Variants in ATF3 observed in about 807,000 individuals in gnomAD.
ATF3 encodes cyclic AMP-dependent transcription factor ATF-3.
ATF3 carries 10 observed loss-of-function variants against 18.4 expected under a neutral mutation model. That is an observed-to-expected ratio of 0.54 (90% CI 0.34 to 0.92). The LOEUF (loss-of-function observed/expected upper bound fraction) is 0.92, where lower values mean the gene tolerates loss of function less well. Ranked by LOEUF, ATF3 falls within the 40% of genes least tolerant of loss-of-function variation. ATF3 has a pLI of 0.02. For synonymous variants in ATF3, 78 were observed against 87.9 expected, an observed-to-expected ratio of 0.89 and a Z score of 0.63; for missense variants, 183 against 222.3, an observed-to-expected ratio of 0.82 and a Z score of 1.12.
chr1:212,595,474 G>A (rs760134780), intron 1 of ATF3, among the ~76,000 whole-genome samples: 1 of 152,200 alleles, frequency 6.6e-6, no homozygotes, highest in Non-Finnish European at 1.5e-5. Flanking sequence ...TGGATCCTGA[G>A]CCCCTTCCTG....
chr1:212,594,957 T>A (rs968455974), intron 1 of ATF3, among the ~76,000 whole-genome samples: 1 of 152,216 alleles, frequency 6.6e-6, no homozygotes, highest in African/African-American at 2.4e-5. Context: ...CCATTCCGAT[T>A]CTAAAGACTG....
intron 1 of ATF3, among the ~76,000 whole-genome samples, chr1:212,598,851 G>A: frequency 6.6e-6 from 1 of 152,114 alleles, no homozygotes; most frequent in East Asian, 1.9e-4. Context: ...TTTTCTCTAT[G>A]CATTCATCTG....
At chr1:212,572,538 A>G (rs368177030) in intron 1 of ATF3, among the ~76,000 whole-genome samples, 33 of 152,330 alleles carry the variant, frequency 2.2e-4, no homozygotes, top group African/African-American at 7.2e-4. Context: ...AACAAAACAA[A>G]AAACATTTTA....
chr1:212,615,374 A>T, intron 2 of ATF3, 113 bp downstream of exon 2: 1 of 1,352,318 alleles, frequency 7.4e-7, no homozygotes, highest in Non-Finnish European at 1.0e-6. Flanking sequence ...AAACAAAACC[A>T]CTGCCCTCAG....
At chr1:212,582,380 C>T (rs994357123) in intron 1 of ATF3, among the ~76,000 whole-genome samples, 5 of 152,146 alleles carry the variant, frequency 3.3e-5, no homozygotes, top group South Asian at 2.1e-4. Context: ...AGACTGAAGT[C>T]GCCAACCAAT....
chr1:212,600,622 G>T (rs1480501799), intron 1 of ATF3, among the ~76,000 whole-genome samples: 1 of 152,212 alleles, frequency 6.6e-6, no homozygotes, highest in African/African-American at 2.4e-5. Flanking sequence ...CCCTTGCCTA[G>T]AAAACGGTCG....
chr1:212,574,457 G>T (rs1004485192), intron 1 of ATF3, among the ~76,000 whole-genome samples: 2 of 151,840 alleles, frequency 1.3e-5, no homozygotes, highest in African/African-American at 4.8e-5. Flanking sequence ...CATCACAAAT[G>T]CTTTCTCCTG....
chr1:212,618,709 C>T lies in ATF3; in HGVS notation c.348+475C>T. The T allele has an allele frequency of 2.2e-6, 1 of 465,012 alleles. No individual in the cohort carries two copies. The highest frequency in any genetic ancestry group is 3.9e-6 in the Non-Finnish European group (1 of 253,740). 28.8% of individuals were successfully genotyped at this position (465,012 alleles called of 1,614,324 possible). On this transcript the variant is annotated intron_variant, in intron 3 of 3. Coordinates refer to ENST00000341491, the MANE Select transcript of ATF3 (RefSeq NM_001674.4). The surrounding 1 kb of genome is among the most constrained non-coding windows in gnomAD (Gnocchi z 4.4). ...TGGTTCCTAACTCTAGAGCCCTTCTCCCTGGCTTAGCCAGTAAGCTGAGCC... is the reference window on the plus strand; with the variant it reads ...TGGTTCCTAACTCTAGAGCCCTTCTTCCTGGCTTAGCCAGTAAGCTGAGCC...
intron 1 of ATF3, chr1:212,565,598 T>G (rs1571750887): frequency 6.6e-6 from 1 of 151,952 alleles, no homozygotes. Context: ...CCCTGCTGGG[T>G]GGGTGCCACC....
intron 1 of ATF3, among the ~76,000 whole-genome samples, chr1:212,597,240 G>GA (rs1654307240): frequency 6.6e-6 from 1 of 151,894 alleles, no homozygotes; most frequent in South Asian, 2.1e-4. Context: ...ATGACGACAA[G>GA]AAAAAAGGGG....
rs1654449537 is a variant in ATF3 at position 212,600,419 on chromosome 1, C to G, written c.-4-14599C>G. On this transcript the variant is annotated intron_variant, in intron 1 of 3. Coordinates refer to the ATF3 transcript ENST00000366981. ...CCTGCTCAGCAATTGCCTCACTGTT[C>G]TCCAAACACTGTGCATGTTCTCTCC... Among the ~76,000 whole-genome samples, 3 of 152,260 alleles carry G rather than the reference C, an allele frequency of 2.0e-5. No homozygotes were observed. In the South Asian group the frequency reaches 6.2e-4, roughly 31 times the overall value.
Position 212,619,083 on chromosome 1 carries a change from G to A in ATF3, c.349-275G>A, listed in dbSNP as rs761328272. On this transcript the variant is annotated intron_variant, in intron 3 of 3. Coordinates refer to ENST00000341491, the MANE Select transcript of ATF3 (RefSeq NM_001674.4). This position sits in a 1 kb window ranked among gnomAD's most constrained non-coding sequence, Gnocchi z 4.4. ...TTTTGGGTCCAGAAGACCTGCATAT[G>A]GGCTGTTGACTCATGCAAATGAGGT... 3.1e-6 allele frequency: 5 copies of A among 1,614,116 alleles called. No individual in the cohort carries two copies. The highest frequency in any genetic ancestry group is 4.2e-6 in the Non-Finnish European group (5 of 1,180,032).
At chr1:212,603,714 G>A (rs1257595808) in intron 1 of ATF3, among the ~76,000 whole-genome samples, 1 of 151,252 alleles carries the variant, frequency 6.6e-6, no homozygotes, top group East Asian at 1.9e-4. Context: ...GAAGCAAAGA[G>A]GTCTACTTCT....
chr1:212,611,264 C>T (rs1020363585), intron 1 of ATF3, among the ~76,000 whole-genome samples: 1 of 152,206 alleles, frequency 6.6e-6, no homozygotes, highest in Admixed American at 6.5e-5. Flanking sequence ...ACAAAAGAGG[C>T]TCTGACTGAC....
At chr1:212,578,296 C>A (rs1664618943) in intron 1 of ATF3, among the ~76,000 whole-genome samples, 1 of 152,186 alleles carries the variant, frequency 6.6e-6, no homozygotes, top group Admixed American at 6.5e-5. Flanking sequence ...GAGTTGGTAT[C>A]TATGAGAAGG....
intron 1 of ATF3, among the ~76,000 whole-genome samples, chr1:212,577,995 A>G: frequency 6.6e-6 from 1 of 151,890 alleles, no homozygotes; most frequent in East Asian, 1.9e-4. Flanking sequence ...TTTTTGAGGA[A>G]CCTCCATACT....
At chr1:212,581,677 G>A (rs1664687535) in intron 1 of ATF3, among the ~76,000 whole-genome samples, 1 of 152,026 alleles carries the variant, frequency 6.6e-6, no homozygotes, top group Non-Finnish European at 1.5e-5. Flanking sequence ...CCATACAATG[G>A]TGATTTTGAT....
chr1:212,597,419 T>TTATCTATCTATC (rs11404416), intron 1 of ATF3, among the ~76,000 whole-genome samples: 18,021 of 150,764 alleles, frequency 0.12, 1,471 homozygotes, highest in East Asian at 0.42. Context: ...TTACATCTAT[T>TTATCTATCTATC]TATCTATCTA....
At chr1:212,610,673 C>T (rs747669288) in intron 1 of ATF3, among the ~76,000 whole-genome samples, 9 of 152,148 alleles carry the variant, frequency 5.9e-5, no homozygotes, top group Non-Finnish European at 5.9e-5. Flanking sequence ...TCTCCATGGC[C>T]GTTTTCTTCG....
Sources: gnomAD v4.1 joint callset for allele counts (sites outside exome capture counted in the v4.1 genomes callset) on GRCh38, gnomAD v4.1.1 for gene constraint, Gnocchi (gnomAD v3.1) non-coding constraint, MANE v1.5 for transcripts, NCBI Gene and HGNC (gene_info 2026-07-23, HGNC 2026-07-21) for gene names.